The following RGS4 variants were observed in gnomAD, a reference collection of about 807,000 sequenced individuals.
RGS4 encodes schizophrenia disorder 9.
In RGS4, 15 loss-of-function variants were observed where a neutral mutation model predicts 21.6. The ratio of observed to expected loss-of-function variants is 0.69; its 90% confidence interval spans 0.46 to 1.07. The LOEUF is 1.07. Among genes scored for constraint, RGS4 ranks in the 50% least tolerant of loss-of-function variants. The probability of loss-of-function intolerance (pLI) is 0.00; values close to 1 mark genes in which losing one functional copy is unlikely to be tolerated. For synonymous variants in RGS4, 94 were observed against 85.5 expected, an observed-to-expected ratio of 1.10 and a Z score of -0.55; for missense variants, 237 against 239.0, an observed-to-expected ratio of 0.99 and a Z score of 0.06.
In RGS4 at chr1:163,072,869, A is replaced by G. The variant is rs1158212804; in HGVS notation, c.211+3A>G. The G allele has an allele frequency of 4.3e-6, 7 of 1,612,188 alleles. No individual in the cohort carries two copies. Among genetic ancestry groups the G allele is most frequent in the Non-Finnish European group, 5.9e-6 (7 of 1,178,716 alleles). Reference sequence around the variant, plus strand: ...GGAAAACCTGATTAGTCATGAATGTAAGTCTGACAGCAACCTGGGATGAGG... The same window carrying G: ...GGAAAACCTGATTAGTCATGAATGTGAGTCTGACAGCAACCTGGGATGAGG... On this transcript the variant is annotated splice_donor_region_variant and intron_variant, in intron 3 of 4. Transcript: ENST00000367909.
rs201759642 is a variant in RGS4 at position 163,074,526 on chromosome 1, C to A, written c.584C>A (p.Ala195Glu). 8.7e-6 allele frequency: 14 copies of A among 1,613,794 alleles called. No individual in the cohort carries two copies. Among genetic ancestry groups the A allele is most frequent in the Non-Finnish European group, 1.2e-5 (14 of 1,179,894 alleles). Residue 195 changes from alanine (A) to glutamate (E), a missense_variant, in exon 5 of 5, where the codon GCA (alanine) becomes GAA (glutamate). Physicochemically the swap from Ala to Glu is moderately radical, Grantham distance 107 (BLOSUM62 -1). Coordinates refer to ENST00000367909, the MANE Select transcript of RGS4 (RefSeq NM_005613.6). The part of the protein sequence containing the change: ...AEKQKGAKSS[A>E]DCASLVPQCA Reference sequence around the variant, plus strand: ...AAGCAGAAAGGAGCCAAGAGTTCAGCAGACTGTGCTTCCCTGGTCCCTCAG... The same window carrying A: ...AAGCAGAAAGGAGCCAAGAGTTCAGAAGACTGTGCTTCCCTGGTCCCTCAG...
Position 163,072,875 on chromosome 1 carries a change from G to C in RGS4, c.211+9G>C. On this transcript the variant is annotated intron_variant, in intron 3 of 4. Coordinates refer to ENST00000367909, the MANE Select transcript of RGS4 (RefSeq NM_005613.6). The stretch of plus-strand genomic sequence containing the variant: ...CCTGATTAGTCATGAATGTAAGTCT[G>C]ACAGCAACCTGGGATGAGGTACTCT... 1.9e-6 allele frequency: 3 copies of C among 1,611,244 alleles called. No homozygotes were observed. Among genetic ancestry groups the C allele is most frequent in the Non-Finnish European group, 2.5e-6 (3 of 1,177,862 alleles).
At chr1:163,068,958 C>A (rs1202593447), upstream of RGS4, 2 of 1,607,574 alleles carry the variant, frequency 1.2e-6, no homozygotes, top group Admixed American at 3.4e-5. Context: ...TGCTTCTAAT[C>A]CAAAAGAGGA....
Position 163,074,798 on chromosome 1 carries a change from C to A in RGS4, c.*238C>A. 2 of 635,746 alleles carry A rather than the reference C, an allele frequency of 3.1e-6. No homozygotes were observed. The highest frequency in any genetic ancestry group is 1.9e-5 in the South Asian group (1 of 52,916). 39.4% of individuals were successfully genotyped at this position (635,746 alleles called of 1,614,324 possible). A position where few individuals can be genotyped will look rare whatever the true frequency, so the allele number is the denominator to read the frequency against. ...TTTTCCTAAGTTTCTTTGAGGGTTC[C>A]ATGGGAGCAAATATCTAAATAATGG... On this transcript the variant is annotated 3_prime_UTR_variant, in exon 5 of 5. Coordinates refer to ENST00000367909, the MANE Select transcript of RGS4 (RefSeq NM_005613.6).
chr1:163,073,896 C>A, intron 4 of RGS4: 1 of 386,294 alleles, frequency 2.6e-6, no homozygotes, highest in South Asian at 5.2e-5. Context: ...TTCCTTCTAC[C>A]CATTAGCCAA....
rs185538945 is a variant in RGS4 at position 163,069,462 on chromosome 1, C to T, written c.-23C>T. On this transcript the variant is annotated 5_prime_UTR_variant, in exon 1 of 5. Coordinates refer to ENST00000367909, the MANE Select transcript of RGS4 (RefSeq NM_005613.6). ...TCCTGCCGCATTTCTTTCCTGCTTG[C>T]GAATTCCAAGCTGTTAAATAAGATG... 10 of 1,613,268 alleles carry T rather than the reference C, an allele frequency of 6.2e-6. No individual in the cohort carries two copies. Among genetic ancestry groups the T allele is most frequent in the Non-Finnish European group, 6.8e-6 (8 of 1,179,728 alleles).
intron 4 of RGS4, 74 bp from the exon 5 acceptor site, chr1:163,074,247 T>C: frequency 6.3e-7 from 1 of 1,582,610 alleles, no homozygotes; most frequent in Non-Finnish European, 8.6e-7. Flanking sequence ...CACTTACAAG[T>C]CACTACAAAG....
chr1:163,075,514 T>C lies in RGS4; in HGVS notation c.*954T>C, dbSNP rs1655466361. ...ATGCTTATTAGCAGCTGGGTTGGTA[T>C]GGAGTTGGCAGACAGGATGTTCAAC... On this transcript the variant is annotated 3_prime_UTR_variant, in exon 5 of 5. Transcript: ENST00000367909. The C allele has an allele frequency of 6.6e-6, 1 of 152,108 alleles. No individual in the cohort carries two copies. The highest frequency in any genetic ancestry group is 1.5e-5 in the Non-Finnish European group (1 of 68,034). The allele number at this position is 152,108 out of a possible 1,614,324, so 9.4% of individuals were successfully genotyped here.
In RGS4 at chr1:163,074,915, A is replaced by C. The variant is rs1465387959; in HGVS notation, c.*355A>C. 2 of 574,670 alleles carry C rather than the reference A, an allele frequency of 3.5e-6. No homozygotes were observed. Among genetic ancestry groups the C allele is most frequent in the Non-Finnish European group, 6.2e-6 (2 of 322,564 alleles). The allele number at this position is 574,670 out of a possible 1,614,324, so 35.6% of individuals were successfully genotyped here. ...GGTTGGTTAGTGCATGTCACATGACATCCACATGCACATGTATTCTGTTGG... is the reference window on the plus strand; with the variant it reads ...GGTTGGTTAGTGCATGTCACATGACCTCCACATGCACATGTATTCTGTTGG... On this transcript the variant is annotated 3_prime_UTR_variant, in exon 5 of 5. Transcript: ENST00000367909.
chr1:163,071,647 G>A (rs983578749), intron 1 of RGS4, among the ~76,000 whole-genome samples: 3 of 151,976 alleles, frequency 2.0e-5, no homozygotes, highest in Admixed American at 6.6e-5. Flanking sequence ...TAGCTGTTAA[G>A]CCTCAAATGC....
At chr1:163,071,868 C>CCCCCCCCT in intron 1 of RGS4, 1 of 51,640 alleles carries the variant, frequency 1.9e-5, no homozygotes, top group South Asian at 1.1e-3. Flanking sequence ...CCCCCCCCCC[C>CCCCCCCCT]CCCCCAACAT....
At chr1:163,074,122 G>A in intron 4 of RGS4, 199 bp from the exon 5 acceptor site, 1 of 629,538 alleles carries the variant, frequency 1.6e-6, no homozygotes, top group Non-Finnish European at 2.7e-6. Flanking sequence ...ATCTTGCCCT[G>A]CTCTCTCTAA....
At chr1:163,072,259 A>T in intron 1 of RGS4, 136 bp from the exon 2 acceptor site, 1 of 880,362 alleles carries the variant, frequency 1.1e-6, no homozygotes, top group East Asian at 2.8e-5. Flanking sequence ...CTCAGAGGTC[A>T]TGCCAACTCC....
At chr1:163,072,944 C>A in intron 3 of RGS4, 78 bp downstream of exon 3, 1 of 1,217,736 alleles carries the variant, frequency 8.2e-7, no homozygotes, top group Non-Finnish European at 1.2e-6. Context: ...GAAACTGCAG[C>A]AAGGCCTGGC....
chr1:163,070,613 C>T (rs1471568538), intron 1 of RGS4: 3 of 152,132 alleles, frequency 2.0e-5, no homozygotes, highest in African/African-American at 7.2e-5. Context: ...GACCTTCACG[C>T]TTAATTTTCT....
chr1:163,072,123 AAGGCTTCTC>A, intron 1 of RGS4: 1 of 1,144,518 alleles, frequency 8.7e-7, no homozygotes, highest in Non-Finnish European at 1.1e-6. Context: ...CGGGCATATA[AAGGCTTCTC>A]AGGTTTCTGA....
At chr1:163,071,784 C>T (rs72703004) in intron 1 of RGS4, 7,473 of 147,616 alleles carry the variant, frequency 0.051, 305 homozygotes, top group African/African-American at 0.11. Context: ...CCATCCCATG[C>T]TCCATTTCCC....
intron 2 of RGS4, 125 bp downstream of exon 2, chr1:163,072,624 T>C: frequency 1.2e-6 from 1 of 857,910 alleles, no homozygotes; most frequent in Non-Finnish European, 1.8e-6. Flanking sequence ...TCCATTTTCA[T>C]GGAGATCATA....
At chr1:163,069,207 T>C (rs1247059518), upstream of RGS4, 3 of 1,524,584 alleles carry the variant, frequency 2.0e-6, no homozygotes, top group African/African-American at 1.4e-5. Flanking sequence ...GCTCGTTCAC[T>C]TAACATTGCT....
Sources: allele counts gnomAD v4.1 joint callset (sites outside exome capture counted in the v4.1 genomes callset), GRCh38; gene constraint gnomAD v4.1.1; transcripts MANE v1.5; gene names NCBI Gene and HGNC (gene_info 2026-07-23, HGNC 2026-07-21).